The following NCOR2 variants were observed in gnomAD, a reference collection of about 807,000 sequenced individuals.
The protein encoded by NCOR2 is CTG repeat protein 26.
In NCOR2, 81 loss-of-function variants were observed where a neutral mutation model predicts 262.9. The observed-to-expected ratio is 0.31, with a 90% CI of 0.26 to 0.37. The LOEUF (loss-of-function observed/expected upper bound fraction) is 0.37, where lower values mean the gene tolerates loss of function less well. Among genes scored for constraint, NCOR2 ranks in the 10% least tolerant of loss-of-function variants. The pLI, the probability that NCOR2 is intolerant of heterozygous loss-of-function variation, is 1.00. For synonymous variants in NCOR2, 1,659 were observed against 1,559.3 expected, an observed-to-expected ratio of 1.06 and a Z score of -1.51; for missense variants, 3,385 against 3,621.4, an observed-to-expected ratio of 0.93 and a Z score of 1.68.
chr12:124,463,234 C>G (rs1185303936), intron 5 of NCOR2, among the ~76,000 whole-genome samples: 1 of 152,246 alleles, frequency 6.6e-6, no homozygotes, highest in African/African-American at 2.4e-5. Context: ...CTACCTCGTG[C>G]CCACCACCTT....
chr12:124,357,351 C>A (rs988480394), intron 22 of NCOR2, among the ~76,000 whole-genome samples: 1 of 152,138 alleles, frequency 6.6e-6, no homozygotes, highest in Non-Finnish European at 1.5e-5. Flanking sequence ...TGGGGTCTTG[C>A]TATGTTGCCC....
chr12:124,465,502 T>C lies in NCOR2; in HGVS notation c.705+671A>G, dbSNP rs78636323. On this transcript the variant is annotated intron_variant, in intron 5 of 46. Transcript: ENST00000405201. ...CCCTCCAGCAAGACCAGACCCACTA[T>C]AGCTGCCCCCAGTGGGATCTCCATG... Among the ~76,000 whole-genome samples the C allele has an allele frequency of 1.9e-3, 289 of 152,240 alleles. 1 individual carries two copies. Among genetic ancestry groups the C allele is most frequent in the African/African-American group, 6.5e-3 (272 of 41,560 alleles).
chr12:124,447,397 C>T (rs1035009348), intron 7 of NCOR2, among the ~76,000 whole-genome samples: 1 of 152,340 alleles, frequency 6.6e-6, no homozygotes, highest in East Asian at 1.9e-4. Flanking sequence ...TCTACTTACA[C>T]AAAGATGAAG....
At position 124,465,691 on chromosome 12, in the gene NCOR2, AG is replaced by A. The variant is rs534598034; in HGVS notation, c.705+481del. ...CTTCCTAGCTGTGTGACTCTGGACA[AG>A]TCACTTAACCTCTCTGGGCCTTAGG... On this transcript the variant is annotated intron_variant, in intron 5 of 46. Transcript: ENST00000405201. 1.5e-3 allele frequency among the ~76,000 whole-genome samples: 235 copies of A among 152,290 alleles called. 2 individuals are homozygous for A. The highest frequency in any genetic ancestry group is 4.6e-3 in the African/African-American group (192 of 41,558).
chr12:124,334,671 T>A, intron 40 of NCOR2, 54 bp from the exon 43 acceptor site: 30 of 560,486 alleles, frequency 5.4e-5, no homozygotes, highest in Non-Finnish European at 7.0e-5. Context: ...GACAGAACCT[T>A]CTGGGGGTGG....
intron 4 of NCOR2, among the ~76,000 whole-genome samples, chr12:124,467,639 C>A (rs1272460523): frequency 2.6e-5 from 3 of 115,524 alleles, no homozygotes; most frequent in Admixed American, 8.4e-5. Flanking sequence ...ATCATCTTCA[C>A]CCCATCATCC....
rs192423388 is a variant in NCOR2 at position 124,356,929 on chromosome 12, A to C, written c.3101-147T>G. On this transcript the variant is annotated intron_variant, in intron 22 of 46. Transcript: ENST00000405201. Reference sequence around the variant, plus strand: ...CTGGGCTCCTCCGGGAAGCCCCCCAAGTCTGCCTGCCTGGGCGCTGCTCTG... The same window carrying C: ...CTGGGCTCCTCCGGGAAGCCCCCCACGTCTGCCTGCCTGGGCGCTGCTCTG... The C allele has an allele frequency of 6.8e-6, 7 of 1,025,730 alleles. No individual in the cohort carries two copies. The African/African-American group carries it at 1.2e-4, about 17-fold the overall frequency. The allele number at this position is 1,025,730 out of a possible 1,614,324, so 63.5% of individuals were successfully genotyped here. A position where few individuals can be genotyped will look rare whatever the true frequency, so the allele number is the denominator to read the frequency against.
At chr12:124,421,808 C>A (rs1019099379) in intron 12 of NCOR2, among the ~76,000 whole-genome samples, 1 of 152,254 alleles carries the variant, frequency 6.6e-6, no homozygotes, top group Non-Finnish European at 1.5e-5. Flanking sequence ...CTCCCACCTG[C>A]AGCCTCTCCA....
At chr12:124,423,262 G>A (rs2043326779) in intron 11 of NCOR2, among the ~76,000 whole-genome samples, 1 of 152,210 alleles carries the variant, frequency 6.6e-6, no homozygotes, top group Non-Finnish European at 1.5e-5. Flanking sequence ...CACCCCAGGG[G>A]TGCTGGGTGG....
At chr12:124,325,849 C>G (rs1356679910) in intron 46 of NCOR2, among the ~76,000 whole-genome samples, 2 of 152,140 alleles carry the variant, frequency 1.3e-5, no homozygotes, top group Non-Finnish European at 2.9e-5. Flanking sequence ...TCCCAGGGGC[C>G]TTCTGACCCT....
intron 13 of NCOR2, among the ~76,000 whole-genome samples, chr12:124,414,617 C>T (rs968096651): frequency 3.9e-5 from 6 of 152,200 alleles, no homozygotes; most frequent in Admixed American, 6.5e-5. Context: ...AGGGAGAACC[C>T]GACCTGCTGC....
chr12:124,562,274 G>A (rs957503604), intron 1 of NCOR2: 8 of 152,180 alleles, frequency 5.3e-5, no homozygotes, highest in African/African-American at 7.2e-5. Context: ...GCTAAAGCAC[G>A]GGACAGCGCA....
At chr12:124,334,673 TG>T in intron 40 of NCOR2, 56 bp from the exon 43 acceptor site, 3 of 430,434 alleles carry the variant, frequency 7.0e-6, no homozygotes, top group Non-Finnish European at 1.1e-5. Flanking sequence ...CAGAACCTTC[TG>T]GGGGTGGGGA....
intron 1 of NCOR2, among the ~76,000 whole-genome samples, chr12:124,519,828 T>C (rs1192551843): frequency 1.3e-5 from 2 of 152,120 alleles, no homozygotes; most frequent in Admixed American, 1.3e-4. Flanking sequence ...CATAGGCAGG[T>C]ATGCCCCTGA....
chr12:124,495,132 TG>T lies in NCOR2; in HGVS notation c.105+14del. ...TCAAAGGTAGCCCCAGGCGCACACATGTGCACCCCCTTACCGTGTGCGTCCG... is the reference window on the plus strand; with the variant it reads ...TCAAAGGTAGCCCCAGGCGCACACATTGCACCCCCTTACCGTGTGCGTCCG... On this transcript the variant is annotated intron_variant, in intron 1 of 46. Transcript: ENST00000405201. The surrounding 1 kb of genome is among the most constrained non-coding windows in gnomAD (Gnocchi z 4.4). The T allele has an allele frequency of 6.2e-7, 1 of 1,613,068 alleles. No individual in the cohort carries two copies. Among genetic ancestry groups the T allele is most frequent in the African/African-American group, 1.3e-5 (1 of 74,972 alleles).
intron 4 of NCOR2, among the ~76,000 whole-genome samples, chr12:124,471,146 C>T (rs1385107456): frequency 6.6e-6 from 1 of 152,250 alleles, no homozygotes; most frequent in East Asian, 1.9e-4. Flanking sequence ...TCCTCAAATC[C>T]TGGTTCCCCC....
chr12:124,351,774 T>C (rs530087976), intron 27 of NCOR2, among the ~76,000 whole-genome samples: 5 of 152,130 alleles, frequency 3.3e-5, no homozygotes, highest in Non-Finnish European at 5.9e-5. Context: ...ACCTTCTGCA[T>C]TGATGATTCT....
chr12:124,558,822 C>G (rs964638722), intron 1 of NCOR2, among the ~76,000 whole-genome samples: 1 of 152,158 alleles, frequency 6.6e-6, no homozygotes, highest in Non-Finnish European at 1.5e-5. Flanking sequence ...ATGCCCTTCA[C>G]TTCACAGCCT....
At chr12:124,510,611 C>T (rs1363790787) in intron 1 of NCOR2, among the ~76,000 whole-genome samples, 2 of 152,250 alleles carry the variant, frequency 1.3e-5, no homozygotes, top group Non-Finnish European at 2.9e-5. Context: ...CCAGCTCACC[C>T]ACTGTGTCCT....
Sources: gnomAD v4.1 joint callset for allele counts (sites outside exome capture counted in the v4.1 genomes callset) on GRCh38, gnomAD v4.1.1 for gene constraint, Gnocchi (gnomAD v3.1) non-coding constraint, MANE v1.5 for transcripts, NCBI Gene and HGNC (gene_info 2026-07-23, HGNC 2026-07-21) for gene names.